RBM19: variants seen among roughly 807,000 people sequenced by gnomAD.
The protein encoded by RBM19 is RNA binding motif protein 19.
In RBM19, 94 loss-of-function variants were observed where a neutral mutation model predicts 116.8. The ratio of observed to expected loss-of-function variants is 0.80; its 90% CI spans 0.68 to 0.95. The LOEUF is 0.95. Ranked by LOEUF, RBM19 falls within the 40% of genes least tolerant of loss-of-function variation. RBM19 has a pLI of 0.00. For synonymous variants in RBM19, 475 were observed against 494.1 expected (o/e 0.96, Z 0.51); for missense variants, 1,161 against 1,220.7 (o/e 0.95, Z 0.73).
chr12:113,955,596 T>C (rs892668638), intron 6 of RBM19, among the ~76,000 whole-genome samples: 2 of 152,198 alleles, frequency 1.3e-5, no homozygotes, highest in Non-Finnish European at 2.9e-5. Context: ...AGTGATCTAC[T>C]ACATCTTCAC....
intron 21 of RBM19, among the ~76,000 whole-genome samples, chr12:113,881,927 C>T (rs1880164234): frequency 6.6e-6 from 1 of 152,256 alleles, no homozygotes; most frequent in Non-Finnish European, 1.5e-5. Flanking sequence ...ACCCACATGC[C>T]CTCCACCCAT....
chr12:113,931,749 T>A (rs1472460322), intron 16 of RBM19, among the ~76,000 whole-genome samples: 5 of 152,194 alleles, frequency 3.3e-5, no homozygotes, highest in Admixed American at 3.3e-4. Flanking sequence ...GGTCTGCTGC[T>A]TTCCCAGGCC....
At chr12:113,935,575 C>G (rs146602587) in intron 16 of RBM19, among the ~76,000 whole-genome samples, 69 of 152,134 alleles carry the variant, frequency 4.5e-4, no homozygotes, top group Admixed American at 2.0e-3. Context: ...GTCCTCAGAT[C>G]GCAAAGGGAC....
chr12:113,820,490 G>T (rs1277750458), downstream of RBM19, among the ~76,000 whole-genome samples: 3 of 152,116 alleles, frequency 2.0e-5, no homozygotes, highest in African/African-American at 7.2e-5. Context: ...GGTGAGGTGG[G>T]GCCTCGGTGC....
intron 21 of RBM19, among the ~76,000 whole-genome samples, chr12:113,877,823 C>T (rs747345469): frequency 1.4e-4 from 22 of 152,154 alleles, no homozygotes; most frequent in Non-Finnish European, 2.9e-4. Flanking sequence ...ATGTTCAGAA[C>T]GGATGGGCGA....
In RBM19 at chr12:113,823,139, C is replaced by T; in HGVS notation, c.*85G>A. On this transcript the variant is annotated 3_prime_UTR_variant, in exon 24 of 24. Transcript: ENST00000261741. ...GCCTGCCGCTCCCCGCCCCGCCCCC[C>T]AGCCCACATGGTGGTGAGTGCAGAA... 7.5e-7 allele frequency: 1 copy of T among 1,333,440 alleles called. No individual in the cohort carries two copies. The highest frequency in any genetic ancestry group is 1.0e-6 in the Non-Finnish European group (1 of 959,178). 82.6% of individuals were successfully genotyped at this position (1,333,440 alleles called of 1,614,324 possible). A position where few individuals can be genotyped will look rare whatever the true frequency, so the allele number is the denominator to read the frequency against.
intron 21 of RBM19, among the ~76,000 whole-genome samples, chr12:113,895,508 A>G (rs1299350370): frequency 6.6e-6 from 1 of 152,234 alleles, no homozygotes; most frequent in Admixed American, 6.5e-5. Flanking sequence ...TGCCAGACAC[A>G]TGTCAGAGAG....
intron 20 of RBM19, 77 bp from the exon 21 acceptor site, chr12:113,915,162 T>A: frequency 8.7e-7 from 1 of 1,145,254 alleles, no homozygotes; most frequent in Admixed American, 1.7e-5. Context: ...CCACTACGCC[T>A]CCATCAGAAT....
At position 113,903,491 on chromosome 12, in the gene RBM19, G is replaced by A. The variant is rs1881842365; in HGVS notation, c.2558+11478C>T. ...GTTGATGCCCAAGAGTGCAATCACTGGGTCATAGAGAAAGTGCACGTTTTA... is the reference window on the plus strand; with the variant it reads ...GTTGATGCCCAAGAGTGCAATCACTAGGTCATAGAGAAAGTGCACGTTTTA... On this transcript the variant is annotated intron_variant, in intron 21 of 23. Transcript: ENST00000261741. The surrounding 1 kb of genome is among the most constrained non-coding windows in gnomAD (Gnocchi z 5.1). Among the ~76,000 whole-genome samples, 1 of 152,148 alleles carries A rather than the reference G, an allele frequency of 6.6e-6. No homozygotes were observed. The highest frequency in any genetic ancestry group is 2.4e-5 in the African/African-American group (1 of 41,426).
intron 23 of RBM19, among the ~76,000 whole-genome samples, chr12:113,828,491 A>G (rs1438228351): frequency 6.6e-6 from 1 of 151,918 alleles, no homozygotes; most frequent in African/African-American, 2.4e-5. Context: ...AACTGATTCC[A>G]AGAGGCCGGG....
In RBM19 at chr12:113,918,380, C is replaced by A. The variant is rs776151230; in HGVS notation, c.2441+12G>T. 1 of 1,614,182 alleles carries A rather than the reference C, an allele frequency of 6.2e-7. No individual in the cohort carries two copies. The highest frequency in any genetic ancestry group is 8.5e-7 in the Non-Finnish European group (1 of 1,179,978). ...GCTCGTAGGAAAGGAAATGAGGACA[C>A]TGAAGACTCACTTAGTGGCTCGTTC... On this transcript the variant is annotated intron_variant, in intron 20 of 23. Coordinates refer to ENST00000261741, the MANE Select transcript of RBM19 (RefSeq NM_016196.4).
In RBM19 at chr12:113,839,799, G is replaced by A. The variant is rs371672508; in HGVS notation, c.2785+4869C>T. ...AAAACAGAAGCTCACAGGGAGGAAC[G>A]ACTTGCCCCAGGACAACAGCCAGAA... On this transcript the variant is annotated intron_variant, in intron 23 of 23. Coordinates refer to ENST00000261741, the MANE Select transcript of RBM19 (RefSeq NM_016196.4). 4.6e-5 allele frequency among the ~76,000 whole-genome samples: 7 copies of A among 152,280 alleles called. No individual in the cohort carries two copies. In the East Asian group the frequency reaches 1.2e-3, roughly 25 times the overall value.
chr12:113,958,448 TCTC>T (rs1872169934), intron 5 of RBM19, among the ~76,000 whole-genome samples: 1 of 151,930 alleles, frequency 6.6e-6, no homozygotes, highest in Non-Finnish European at 1.5e-5. Flanking sequence ...TCTTCCACTG[TCTC>T]CTCCTGCTCA....
intron 18 of RBM19, among the ~76,000 whole-genome samples, chr12:113,921,754 G>A (rs1868584967): frequency 6.6e-6 from 1 of 152,202 alleles, no homozygotes; most frequent in East Asian, 1.9e-4. Flanking sequence ...GCTGCAGGTG[G>A]TGGGCTGGCA....
At chr12:113,960,420 G>C (rs1442934073) in intron 2 of RBM19, among the ~76,000 whole-genome samples, 1 of 152,200 alleles carries the variant, frequency 6.6e-6, no homozygotes, top group African/African-American at 2.4e-5. Flanking sequence ...GCCACTTACT[G>C]AGGAACTCCA....
chr12:113,921,383 G>A (rs1481959020), intron 18 of RBM19, among the ~76,000 whole-genome samples: 1 of 151,948 alleles, frequency 6.6e-6, no homozygotes, highest in Non-Finnish European at 1.5e-5. Flanking sequence ...TAGATTTGAT[G>A]TCCCCCCACC....
chr12:113,849,508 A>C (rs1187145397), intron 22 of RBM19, among the ~76,000 whole-genome samples: 2 of 152,262 alleles, frequency 1.3e-5, no homozygotes, highest in African/African-American at 4.8e-5. Flanking sequence ...CTGAGAGAGC[A>C]GGCAGTGCCT....
At chr12:113,835,560 G>A (rs1423865321) in intron 23 of RBM19, among the ~76,000 whole-genome samples, 1 of 152,186 alleles carries the variant, frequency 6.6e-6, no homozygotes, top group East Asian at 1.9e-4. Flanking sequence ...GGGGCTGCCG[G>A]GACCAGGGCT....
Position 113,895,605 on chromosome 12 carries a change from A to G in RBM19, c.2558+19364T>C, listed in dbSNP as rs138996340. Among the ~76,000 whole-genome samples the G allele has an allele frequency of 1.3e-3, 193 of 152,320 alleles. 2 individuals carry two copies. In the Middle Eastern group the frequency reaches 0.017, roughly 13 times the overall value. Reference sequence around the variant, plus strand: ...TCACATCCGTCGCCTACAGGTTCACATATGTACAAAATGCAAAGACAAAGA... The same window carrying G: ...TCACATCCGTCGCCTACAGGTTCACGTATGTACAAAATGCAAAGACAAAGA... On this transcript the variant is annotated intron_variant, in intron 21 of 23. Coordinates refer to ENST00000261741, the MANE Select transcript of RBM19 (RefSeq NM_016196.4).
Sources: allele counts gnomAD v4.1 joint callset (sites outside exome capture counted in the v4.1 genomes callset), GRCh38; gene constraint gnomAD v4.1.1; non-coding constraint Gnocchi (gnomAD v3.1); transcripts MANE v1.5; gene names NCBI Gene and HGNC (gene_info 2026-07-23, HGNC 2026-07-21).